The following MEF2C variants were observed in gnomAD, a reference collection of about 807,000 sequenced individuals.
The protein encoded by MEF2C is myocyte-specific enhancer factor 2C.
In MEF2C, 6 loss-of-function variants were observed where a neutral mutation model predicts 50.5. The observed-to-expected ratio is 0.12, with a 90% confidence interval of 0.07 to 0.23. The LOEUF (loss-of-function observed/expected upper bound fraction) is 0.23. Among genes scored for constraint, MEF2C ranks in the 10% least tolerant of loss-of-function variants. The pLI is 1.00. For missense variants in MEF2C, 276 were observed against 605.0 expected, an observed-to-expected ratio of 0.46 and a Z score of 5.70; for synonymous variants, 183 against 228.0, an observed-to-expected ratio of 0.80 and a Z score of 1.78.
At chr5:88,738,074 G>C in intron 6 of MEF2C, 1 of 985,322 alleles carries the variant, frequency 1.0e-6, no homozygotes, top group Non-Finnish European at 1.2e-6. Flanking sequence ...CAGGCATCCA[G>C]GAGTTGGGGA....
intron 1 of MEF2C, among the ~76,000 whole-genome samples, chr5:88,849,150 C>CAAA (rs11295110): frequency 0.055 from 5,019 of 91,900 alleles, 133 homozygotes; most frequent in Non-Finnish European, 0.07. Flanking sequence ...GACTTTGTCT[C>CAAA]AAAAAAAAAA....
At chr5:88,868,694 A>C (rs1828190395) in intron 1 of MEF2C, among the ~76,000 whole-genome samples, 1 of 152,210 alleles carries the variant, frequency 6.6e-6, no homozygotes, top group Admixed American at 6.5e-5. Flanking sequence ...GAACATTCTT[A>C]TCAGTTCACC....
At chr5:88,742,051 T>G in intron 6 of MEF2C, 1 of 985,382 alleles carries the variant, frequency 1.0e-6, no homozygotes, top group Non-Finnish European at 1.2e-6. Flanking sequence ...CTGCAAAATT[T>G]AAGTGATTGG....
intron 8 of MEF2C, 35 bp downstream of exon 8, chr5:88,730,176 A>G: frequency 6.4e-7 from 1 of 1,570,888 alleles, no homozygotes; most frequent in Non-Finnish European, 8.6e-7. Flanking sequence ...GTAGCTTTGC[A>G]CATGCCATTT....
chr5:88,738,820 T>A (rs1765210218), intron 6 of MEF2C: 1 of 985,170 alleles, frequency 1.0e-6, no homozygotes, highest in South Asian at 4.7e-5. Flanking sequence ...AGACACTGAA[T>A]TCTCATAAAG....
intron 1 of MEF2C, among the ~76,000 whole-genome samples, chr5:88,855,758 T>C (rs1344222480): frequency 6.6e-6 from 1 of 152,210 alleles, no homozygotes; most frequent in Non-Finnish European, 1.5e-5. Context: ...TCTGCCATGA[T>C]TGTAAGTTTC....
At chr5:88,862,361 G>A (rs927630110) in intron 1 of MEF2C, among the ~76,000 whole-genome samples, 1 of 152,098 alleles carries the variant, frequency 6.6e-6, no homozygotes, top group Non-Finnish European at 1.5e-5. Flanking sequence ...TGGCAACATA[G>A]GAGGGACAAG....
intron 3 of MEF2C, among the ~76,000 whole-genome samples, chr5:88,764,082 T>A (rs1778959169): frequency 6.6e-6 from 1 of 152,210 alleles, no homozygotes; most frequent in Non-Finnish European, 1.5e-5. Flanking sequence ...AAAATTATAG[T>A]TGTTTTGATA....
At chr5:88,739,546 A>C (rs1276076312) in intron 6 of MEF2C, 1 of 983,976 alleles carries the variant, frequency 1.0e-6, no homozygotes, top group African/African-American at 1.7e-5. Flanking sequence ...ATTACTTTAA[A>C]TTGTGTATCA....
At chr5:88,784,852 A>G (rs909391208) in intron 3 of MEF2C, among the ~76,000 whole-genome samples, 2 of 152,150 alleles carry the variant, frequency 1.3e-5, no homozygotes, top group African/African-American at 2.4e-5. Flanking sequence ...CCTGCAGTAA[A>G]GATACAATAT....
At chr5:88,853,899 G>A (rs747424029) in intron 1 of MEF2C, among the ~76,000 whole-genome samples, 1 of 152,124 alleles carries the variant, frequency 6.6e-6, no homozygotes, top group Non-Finnish European at 1.5e-5. Context: ...AATCATAAAT[G>A]TGTCTTTCAA....
Position 88,785,934 on chromosome 5 carries a change from C to G in MEF2C, c.258+18664G>C, listed in dbSNP as rs1335317287. Among the ~76,000 whole-genome samples the G allele has an allele frequency of 2.6e-5, 4 of 152,140 alleles. No homozygotes were observed. The South Asian group carries it at 8.3e-4, about 32-fold the overall frequency. ...CTGTGGTTTTTTGAGGGCACTTTAT[C>G]ATCGCCCGCATTCTCAAAGGTTTCT... is the stretch of plus-strand genomic sequence containing the variant. On this transcript the variant is annotated intron_variant, in intron 3 of 10. Transcript: ENST00000504921.
At chr5:88,866,856 C>T (rs887934434) in intron 1 of MEF2C, among the ~76,000 whole-genome samples, 1 of 152,146 alleles carries the variant, frequency 6.6e-6, no homozygotes, top group African/African-American at 2.4e-5. Context: ...CTCCTGAAAT[C>T]CATTTAATAT....
intron 1 of MEF2C, among the ~76,000 whole-genome samples, chr5:88,840,682 C>G (rs1319123346): frequency 6.6e-6 from 1 of 151,938 alleles, no homozygotes; most frequent in African/African-American, 2.4e-5. Flanking sequence ...TCTAGTTTAC[C>G]AAGGTTATGC....
intron 1 of MEF2C, among the ~76,000 whole-genome samples, chr5:88,848,890 C>T (rs576682922): frequency 1.3e-5 from 2 of 152,070 alleles, no homozygotes; most frequent in Admixed American, 6.6e-5. Flanking sequence ...TGGTGGCTAA[C>T]GCATGTAATC....
chr5:88,802,027 C>G (rs563247220), intron 3 of MEF2C, among the ~76,000 whole-genome samples: 1 of 152,228 alleles, frequency 6.6e-6, no homozygotes, highest in South Asian at 2.1e-4. Flanking sequence ...CAGGACGGAC[C>G]CACAATGTGT....
intron 4 of MEF2C, among the ~76,000 whole-genome samples, chr5:88,754,441 T>TA (rs1363465106): frequency 1.3e-5 from 2 of 152,252 alleles, no homozygotes; most frequent in African/African-American, 2.4e-5. Context: ...ACAGTCCTTT[T>TA]AACAAACTGT....
At chr5:88,738,639 G>A in intron 6 of MEF2C, 1 of 985,334 alleles carries the variant, frequency 1.0e-6, no homozygotes, top group Non-Finnish European at 1.2e-6. Context: ...CTGAGATAGT[G>A]AAAGCCTTTC....
At chr5:88,811,843 A>G (rs910254373) in intron 2 of MEF2C, among the ~76,000 whole-genome samples, 2 of 152,170 alleles carry the variant, frequency 1.3e-5, no homozygotes, top group African/African-American at 4.8e-5. Context: ...CTGGGGCAGT[A>G]CAATGTAGAA....
Sources: allele counts gnomAD v4.1 joint callset (sites outside exome capture counted in the v4.1 genomes callset), GRCh38; gene constraint gnomAD v4.1.1; transcripts MANE v1.5; gene names NCBI Gene and HGNC (gene_info 2026-07-23, HGNC 2026-07-21).